Variants in SCAND3 observed in about 807,000 individuals in gnomAD.
The protein encoded by SCAND3 is SCAN domain-containing protein 3.
chr6:28,586,107 TTAATTA>T, the SCAND3 span, among the ~76,000 whole-genome samples: 1 of 152,218 alleles, frequency 6.6e-6, no homozygotes, highest in African/African-American at 2.4e-5. This position sits in a 1 kb window ranked among gnomAD's most constrained non-coding sequence, Gnocchi z 4.4. Context: ...GTTAAATCAT[TTAATTA>T]TTTGTATCAT....
the SCAND3 span, among the ~76,000 whole-genome samples, chr6:28,585,699 A>G: frequency 6.3e-4 from 96 of 152,380 alleles, no homozygotes; most frequent in Middle Eastern, 3.4e-3. Context: ...ACTAAAAAAT[A>G]TAAGAATGTC....
the SCAND3 span, among the ~76,000 whole-genome samples, chr6:28,606,026 G>A: frequency 9.9e-5 from 15 of 152,060 alleles, no homozygotes; most frequent in African/African-American, 3.4e-4. Context: ...CAGGTCAATT[G>A]GTCAACTTGA....
the SCAND3 span, among the ~76,000 whole-genome samples, chr6:28,605,903 G>A: frequency 6.6e-6 from 1 of 151,908 alleles, no homozygotes; most frequent in Admixed American, 6.6e-5. Flanking sequence ...ACATATCAAT[G>A]TCAAAAAAAA....
chr6:28,576,759 A>C, the SCAND3 span, among the ~76,000 whole-genome samples: 4 of 150,940 alleles, frequency 2.7e-5, no homozygotes, highest in South Asian at 8.5e-4. Flanking sequence ...TTTGTTTACT[A>C]TGCAAAGACT....
chr6:28,572,410 G>A, the SCAND3 span: 5 of 1,613,420 alleles, frequency 3.1e-6, no homozygotes, highest in Non-Finnish European at 4.2e-6. The surrounding 1 kb of genome is among the most constrained non-coding windows in gnomAD (Gnocchi z 4.1). Flanking sequence ...ATTGATAATT[G>A]TTGTTAAATT....
the SCAND3 span, chr6:28,586,341 A>G: frequency 6.2e-7 from 1 of 1,612,784 alleles, no homozygotes; most frequent in Non-Finnish European, 8.5e-7. This position sits in a 1 kb window ranked among gnomAD's most constrained non-coding sequence, Gnocchi z 4.4. Context: ...ATCTTCCAGC[A>G]AAGTCACCAC....
At chr6:28,594,474 G>T in the SCAND3 span, among the ~76,000 whole-genome samples, 27 of 152,094 alleles carry the variant, frequency 1.8e-4, no homozygotes, top group African/African-American at 5.8e-4. Flanking sequence ...GGCCAATGGG[G>T]TGAAACCCCG....
chr6:28,589,129 C>G, the SCAND3 span: 1 of 151,960 alleles, frequency 6.6e-6, no homozygotes, highest in Non-Finnish European at 1.5e-5. Flanking sequence ...AAGTTTCAGA[C>G]CTCACAAATC....
the SCAND3 span, chr6:28,573,490 C>T: frequency 6.2e-7 from 1 of 1,613,998 alleles, no homozygotes; most frequent in Non-Finnish European, 8.5e-7. Context: ...TTTCAATTCA[C>T]TACTCTTTCT....
At chr6:28,594,104 G>A in the SCAND3 span, 1 of 152,122 alleles carries the variant, frequency 6.6e-6, no homozygotes, top group African/African-American at 2.4e-5. Flanking sequence ...GCGTTGACAA[G>A]GCCATGGAGA....
chr6:28,607,165 G>T, the SCAND3 span, among the ~76,000 whole-genome samples: 1 of 152,162 alleles, frequency 6.6e-6, no homozygotes, highest in East Asian at 1.9e-4. Context: ...TGGGGGTGTA[G>T]CTCAGTGGTA....
the SCAND3 span, among the ~76,000 whole-genome samples, chr6:28,614,008 G>A: frequency 6.6e-6 from 1 of 151,398 alleles, no homozygotes; most frequent in Non-Finnish European, 1.5e-5. Context: ...TTGTTGCCCA[G>A]GATGGAGCGC....
the SCAND3 span, chr6:28,579,136 T>G: frequency 1.3e-6 from 1 of 775,470 alleles, no homozygotes; most frequent in Non-Finnish European, 2.1e-6. This position sits in a 1 kb window ranked among gnomAD's most constrained non-coding sequence, Gnocchi z 4.5. Context: ...AACATTACAC[T>G]ATACTGATTG....
At chr6:28,575,836 G>A in the SCAND3 span, 8 of 1,613,956 alleles carry the variant, frequency 5.0e-6, no homozygotes, top group Non-Finnish European at 5.9e-6. The surrounding 1 kb of genome is among the most constrained non-coding windows in gnomAD (Gnocchi z 4.2). Flanking sequence ...CCCATTTACA[G>A]CCTCAATTAG....
chr6:28,607,446 G>A, the SCAND3 span, among the ~76,000 whole-genome samples: 1 of 151,820 alleles, frequency 6.6e-6, no homozygotes, highest in South Asian at 2.1e-4. Context: ...GGTTTCTTTG[G>A]ATTTCATGCT....
chr6:28,581,783 T>C, the SCAND3 span, among the ~76,000 whole-genome samples: 116 of 152,340 alleles, frequency 7.6e-4, 1 homozygote, highest in Middle Eastern at 6.8e-3. Context: ...AGAATTCTGT[T>C]GCATAGTTAA....
the SCAND3 span, chr6:28,586,461 T>C: frequency 1.2e-6 from 2 of 1,614,214 alleles, no homozygotes; most frequent in Non-Finnish European, 1.7e-6. This position sits in a 1 kb window ranked among gnomAD's most constrained non-coding sequence, Gnocchi z 4.4. Context: ...CTCCTTGGTA[T>C]GTATCTCTGG....
chr6:28,576,145 A>T, the SCAND3 span: 3 of 1,552,358 alleles, frequency 1.9e-6, no homozygotes, highest in Non-Finnish European at 2.6e-6. Flanking sequence ...CCCTAAAAAC[A>T]AAGGAAAAAA....
chr6:28,593,169 G>A, the SCAND3 span, among the ~76,000 whole-genome samples: 1 of 151,848 alleles, frequency 6.6e-6, no homozygotes, highest in African/African-American at 2.4e-5. Flanking sequence ...CTAATAAAGG[G>A]TTAATATGCA....
Sources: allele counts gnomAD v4.1 joint callset (sites outside exome capture counted in the v4.1 genomes callset), GRCh38; gene constraint gnomAD v4.1.1; non-coding constraint Gnocchi (gnomAD v3.1); transcripts MANE v1.5; gene names NCBI Gene and HGNC (gene_info 2026-07-23, HGNC 2026-07-21).